CYP11B2: variants seen among roughly 807,000 people sequenced by gnomAD.
CYP11B2 encodes cytochrome P450 family 11 subfamily B member 2, also known as cytochrome P450 11B2, mitochondrial.
In CYP11B2, 38 loss-of-function variants were observed where a neutral mutation model predicts 49.3. That is an observed-to-expected ratio of 0.77 (90% CI 0.59 to 1.01). CYP11B2 has a LOEUF of 1.01. Among genes scored for constraint, CYP11B2 ranks in the 50% least tolerant of loss-of-function variants. The pLI is 0.00. For missense variants in CYP11B2, 669 were observed against 655.5 expected (o/e 1.02, Z -0.23); for synonymous variants, 290 against 269.3 (o/e 1.08, Z -0.75).
intron 1 of CYP11B2, 31 bp downstream of exon 1, chr8:142,917,571 T>A: frequency 6.2e-7 from 1 of 1,613,510 alleles, no homozygotes; most frequent in Non-Finnish European, 8.5e-7. Context: ...GGGATCTGGG[T>A]GTTCCCAGCG....
In CYP11B2 at chr8:142,913,427, G is replaced by A. The variant is rs769090647; in HGVS notation, c.979C>T (p.Leu327Phe). 49 of 1,613,932 alleles carry A rather than the reference G, an allele frequency of 3.0e-5. No homozygotes were observed. The highest frequency in any genetic ancestry group is 8.3e-5 in the Admixed American group (5 of 60,006). ...TCGGGGTTCCGAGCCAGCTCAAAGA[G>A]CGTCATCAGCAAGGGAAACGCTGTC... The part of the protein sequence containing the change: ...DTTAFPLLMT[L>F]FELARNPDVQ... The change falls in exon 6 of 9, where the codon CTC becomes TTC. Residue 327 changes from leucine to phenylalanine, a missense_variant. Leu to Phe is a conservative substitution (Grantham distance 22, BLOSUM62 0). Transcript: ENST00000323110.
At position 142,917,787 on chromosome 8, in the gene CYP11B2, C is replaced by T; in HGVS notation, c.54G>A (p.Leu18=). 3 of 1,614,176 alleles carry T rather than the reference C, an allele frequency of 1.9e-6. No homozygotes were observed. Among genetic ancestry groups the T allele is most frequent in the Non-Finnish European group, 2.5e-6 (3 of 1,180,032 alleles). The part of the protein sequence containing the change: ...EVCVAAPWLS[L]QRARALGTRA... ...TAGTGCCCAGTGCCCGTGCCCTTTG[C>T]AGGGACAGCCAGGGCGCTGCCACGC... The change falls in exon 1 of 9, where the codon CTG becomes CTA. Residue 18 remains leucine, a synonymous_variant. Coordinates refer to ENST00000323110, the MANE Select transcript of CYP11B2 (RefSeq NM_000498.3).
Position 142,914,827 on chromosome 8 carries a change from G to A in CYP11B2, c.677C>T (p.Ala226Val), listed in dbSNP as rs763034354. 1.7e-5 allele frequency: 28 copies of A among 1,613,666 alleles called. No individual in the cohort carries two copies. The South Asian group carries it at 2.9e-4, about 16-fold the overall frequency. Reference sequence around the variant, plus strand: ...GGTGGATTTGAACATGACCTCCAGGGCATGGAGGAAGTTCAGGCTGGCAGA... The same window carrying A: ...GGTGGATTTGAACATGACCTCCAGGACATGGAGGAAGTTCAGGCTGGCAGA... ...PSSASLNFLH[A>V]LEVMFKSTVQ... is the part of the protein sequence containing the mutation. Residue 226 changes from alanine to valine, a missense_variant, in exon 4 of 9, where the codon GCC becomes GTC. Transcript: ENST00000323110.
At position 142,912,587 on chromosome 8, in the gene CYP11B2, C is replaced by T. The variant is rs544454389; in HGVS notation, c.1341G>A (p.Met447Ile). 6.6e-5 allele frequency: 107 copies of T among 1,614,186 alleles called. No individual in the cohort carries two copies. The South Asian group carries it at 9.0e-4, about 14-fold the overall frequency. ...NFHHVPFGFG[M>I]RQCLGRRLAE... ...CCAGGCGCCGCCCGAGGCACTGGCG[C>T]ATGCCAAAGCCAAAGGGCACGTGGT... The change falls in exon 8 of 9, where the codon ATG (methionine) becomes ATA (isoleucine). Residue 447 changes from methionine to isoleucine, a missense_variant. Physicochemically the swap from Met to Ile is conservative, Grantham distance 10. Coordinates refer to ENST00000323110, the MANE Select transcript of CYP11B2 (RefSeq NM_000498.3).
chr8:142,917,075 A>G lies in CYP11B2; in HGVS notation c.379T>C (p.Cys127Arg). ...VAYRQHRGHK[C>R]GVFLLNGPEW... ...GCCGCTTACAACAAGAACACGCCAC[A>G]TTTGTGCCCACGATGTTGTCTGTAG... The change falls in exon 2 of 9, where the codon TGT becomes CGT. Residue 127 changes from cysteine to arginine, a missense_variant. Physicochemically the swap from Cys to Arg is radical, Grantham distance 180. Coordinates refer to ENST00000323110, the MANE Select transcript of CYP11B2 (RefSeq NM_000498.3). 1.2e-6 allele frequency: 2 copies of G among 1,614,120 alleles called. No individual in the cohort carries two copies. Among genetic ancestry groups the G allele is most frequent in the Non-Finnish European group, 1.7e-6 (2 of 1,179,996 alleles).
rs763053942 is a variant in CYP11B2, at chr8:142,914,921, T to A, written c.596-13A>T. 4.3e-6 allele frequency: 7 copies of A among 1,613,370 alleles called. No homozygotes were observed. Among genetic ancestry groups the A allele is most frequent in the Non-Finnish European group, 5.9e-6 (7 of 1,179,846 alleles). ...GCTAAGTTGCTGGCTGCGGGGAGGA[T>A]GCACTGCTGAGCACAAGGCAGCCCC... On this transcript the variant is annotated splice_polypyrimidine_tract_variant and intron_variant, in intron 3 of 8. Transcript: ENST00000323110.
chr8:142,916,205 C>A lies in CYP11B2; in HGVS notation c.395+854G>T, dbSNP rs1469923318. Among the ~76,000 whole-genome samples, 6 of 152,148 alleles carry A rather than the reference C, an allele frequency of 3.9e-5. No homozygotes were observed. The East Asian group carries it at 1.2e-3, about 29-fold the overall frequency. Reference sequence around the variant, plus strand: ...CTCCCCTTCCTTCCATTATGCGCACCCAGCCTCCTGGACCTGCCTTCCTGG... The same window carrying A: ...CTCCCCTTCCTTCCATTATGCGCACACAGCCTCCTGGACCTGCCTTCCTGG... On this transcript the variant is annotated intron_variant, in intron 2 of 8. Coordinates refer to ENST00000323110, the MANE Select transcript of CYP11B2 (RefSeq NM_000498.3).
At position 142,915,304 on chromosome 8, in the gene CYP11B2, G is replaced by A. The variant is rs1417428854; in HGVS notation, c.396-59C>T. 7.9e-5 allele frequency: 113 copies of A among 1,432,840 alleles called. 3 individuals are homozygous for A. The highest frequency in any genetic ancestry group is 5.6e-4 in the South Asian group (46 of 82,110). 88.8% of individuals were successfully genotyped at this position (1,432,840 alleles called of 1,614,324 possible). ...CCCAGCAAGACACAGGCCCTGACCC[G>A]TATCCCATCCTCCTTGTCCCCAAGG... On this transcript the variant is annotated intron_variant, in intron 2 of 8. Transcript: ENST00000323110.
intron 1 of CYP11B2, 32 bp downstream of exon 1, chr8:142,917,570 G>C: frequency 6.2e-7 from 1 of 1,613,854 alleles, no homozygotes; most frequent in Non-Finnish European, 8.5e-7. Flanking sequence ...AGGGATCTGG[G>C]TGTTCCCAGC....
rs1336218886 is a variant in CYP11B2 at position 142,912,071 on chromosome 8, T to C, written c.1421A>G (p.Glu474Gly). ...CTTTATGTCCTCTTGAGTTAGTGTC[T>C]CCACCAGGAAGTGCTTCAGCACCTA... is the stretch of plus-strand genomic sequence containing the variant. ...LHHVLKHFLV[E>G]TLTQEDIKMV... is the part of the protein sequence containing the mutation. The change falls in exon 9 of 9, where the codon GAG becomes GGG. Residue 474 changes from glutamate (E) to glycine (G), a missense_variant. Glu to Gly is a moderately conservative substitution (Grantham distance 98). Coordinates refer to ENST00000323110, the MANE Select transcript of CYP11B2 (RefSeq NM_000498.3). 112 of 1,613,920 alleles carry C rather than the reference T, an allele frequency of 6.9e-5. No homozygotes were observed. The highest frequency in any genetic ancestry group is 9.3e-5 in the Non-Finnish European group (110 of 1,179,972).
chr8:142,915,948 A>C (rs1486532597), intron 2 of CYP11B2, among the ~76,000 whole-genome samples: 2 of 152,196 alleles, frequency 1.3e-5, no homozygotes, highest in African/African-American at 2.4e-5. Context: ...GCACATGCAC[A>C]CGTGCGCCCA....
Position 142,912,608 on chromosome 8 carries a change from G to C in CYP11B2, c.1320C>G (p.His440Gln), listed in dbSNP as rs1169966824. 3.7e-6 allele frequency: 6 copies of C among 1,614,224 alleles called. No individual in the cohort carries two copies. Among genetic ancestry groups the C allele is most frequent in the Non-Finnish European group, 5.1e-6 (6 of 1,180,030 alleles). The change falls in exon 8 of 9, where the codon CAC becomes CAG. Residue 440 changes from histidine to glutamine, a missense_variant. Transcript: ENST00000323110. Reference protein sequence around the residue: ...DIRGSGRNFHHVPFGFGMRQC... With the variant: ...DIRGSGRNFHQVPFGFGMRQC... Reference sequence around the variant, plus strand: ...GGCGCATGCCAAAGCCAAAGGGCACGTGGTGGAAGTTCCTGCCGGAGCCCC... The same window carrying C: ...GGCGCATGCCAAAGCCAAAGGGCACCTGGTGGAAGTTCCTGCCGGAGCCCC...
At chr8:142,915,989 C>T (rs572401955) in intron 2 of CYP11B2, among the ~76,000 whole-genome samples, 4 of 152,284 alleles carry the variant, frequency 2.6e-5, no homozygotes, top group South Asian at 2.1e-4. Context: ...TGTGAAGAGA[C>T]GCATGTGCAT....
intron 5 of CYP11B2, among the ~76,000 whole-genome samples, chr8:142,913,806 C>CCT: frequency 6.6e-6 from 1 of 152,172 alleles, no homozygotes; most frequent in Non-Finnish European, 1.5e-5. Flanking sequence ...ACCCACAGGC[C>CCT]CCTCTGCACT....
At position 142,914,914 on chromosome 8, in the gene CYP11B2, G is replaced by A; in HGVS notation, c.596-6C>T. The A allele has an allele frequency of 6.2e-7, 1 of 1,613,576 alleles. No individual in the cohort carries two copies. Among genetic ancestry groups the A allele is most frequent in the Non-Finnish European group, 8.5e-7 (1 of 1,179,924 alleles). On this transcript the variant is annotated splice_polypyrimidine_tract_variant and splice_region_variant and intron_variant, in intron 3 of 8. Transcript: ENST00000323110. ...AAAAAGAGCTAAGTTGCTGGCTGCG[G>A]GGAGGATGCACTGCTGAGCACAAGG...
rs1026640378 is a variant in CYP11B2, at chr8:142,910,660, G to A, written c.*1320C>T. 2.0e-5 allele frequency: 3 copies of A among 152,136 alleles called. No homozygotes were observed. Among genetic ancestry groups the A allele is most frequent in the Non-Finnish European group, 4.4e-5 (3 of 68,036 alleles). The allele number at this position is 152,136 out of a possible 1,614,324, so 9.4% of individuals were successfully genotyped here. On this transcript the variant is annotated 3_prime_UTR_variant, in exon 9 of 9. Transcript: ENST00000323110. This position sits in a 1 kb window ranked among gnomAD's most constrained non-coding sequence, Gnocchi z 4.6. ...CATAAACAAGGAAGCCATCTCTGAGGTCTGTGCACCTTGTTGCCCCCTTAT... is the reference window on the plus strand; with the variant it reads ...CATAAACAAGGAAGCCATCTCTGAGATCTGTGCACCTTGTTGCCCCCTTAT...
chr8:142,913,869 A>G, intron 5 of CYP11B2: 1 of 479,530 alleles, frequency 2.1e-6, no homozygotes, highest in South Asian at 1.6e-5. Context: ...CCATGCATCT[A>G]CATTTCTGGC....
rs142179598 is a variant in CYP11B2, at chr8:142,913,326, G to A, written c.1080C>T (p.Thr360=). 2,391 of 1,614,024 alleles carry A rather than the reference G, an allele frequency of 1.5e-3. 21 individuals are homozygous for A. The African/African-American group carries it at 0.023, about 16-fold the overall frequency. ...GGGCCGCCCGCAGCAAGGGCAGCTC[G>A]GTGGTTGCCTTCTGGGGATGTTCAC... ...SISEHPQKAT[T]ELPLLRAALK... is the part of the protein sequence containing the mutation. The change falls in exon 6 of 9, where the codon ACC becomes ACT. Residue 360 remains threonine (T), a synonymous_variant. Transcript: ENST00000323110.
intron 1 of CYP11B2, 119 bp downstream of exon 1, chr8:142,917,483 T>G: frequency 1.2e-6 from 2 of 1,612,974 alleles, no homozygotes; most frequent in Non-Finnish European, 1.7e-6. Flanking sequence ...TTCCCCATCC[T>G]CCAAAGGATG....
Sources: allele counts gnomAD v4.1 joint callset (sites outside exome capture counted in the v4.1 genomes callset), GRCh38; gene constraint gnomAD v4.1.1; non-coding constraint Gnocchi (gnomAD v3.1); transcripts MANE v1.5; gene names NCBI Gene and HGNC (gene_info 2026-07-23, HGNC 2026-07-21).